SUPT5H: variants seen among roughly 807,000 people sequenced by gnomAD.
SUPT5H encodes SPT5 homolog, DSIF elongation factor subunit, also known as transcription elongation factor SPT5.
In SUPT5H, 24 loss-of-function variants were observed where a neutral mutation model predicts 142.5. The ratio of observed to expected loss-of-function variants is 0.17; its 90% CI spans 0.12 to 0.24. The LOEUF is 0.24. Among genes scored for constraint, SUPT5H ranks in the 10% least tolerant of loss-of-function variants. The probability of loss-of-function intolerance (pLI) is 1.00; values close to 1 mark genes in which losing one functional copy is unlikely to be tolerated. For synonymous variants in SUPT5H, 546 were observed against 553.0 expected (o/e 0.99, Z 0.18); for missense variants, 893 against 1,471.8 (o/e 0.61, Z 6.43).
At chr19:39,446,871 T>G (rs968799419) in intron 2 of SUPT5H, among the ~76,000 whole-genome samples, 4 of 152,134 alleles carry the variant, frequency 2.6e-5, no homozygotes, top group Non-Finnish European at 5.9e-5. Context: ...TAGCTTGGCA[T>G]GGTGGCGCCC....
Position 39,473,935 on chromosome 19 carries a change from C to T in SUPT5H, c.2493-28C>T, listed in dbSNP as rs761615821. On this transcript the variant is annotated intron_variant, in intron 25 of 29. Transcript: ENST00000432763. This position sits in a 1 kb window ranked among gnomAD's most constrained non-coding sequence, Gnocchi z 5.8. Reference sequence around the variant, plus strand: ...GCATCCATCGCATTATCACCACAGTCGCTGTCAACAGACTTTTCTCCCAAC... The same window carrying T: ...GCATCCATCGCATTATCACCACAGTTGCTGTCAACAGACTTTTCTCCCAAC... The T allele has an allele frequency of 1.5e-5, 25 of 1,613,564 alleles. No individual in the cohort carries two copies. The highest frequency in any genetic ancestry group is 2.2e-5 in the South Asian group (2 of 91,088).
At chr19:39,457,494 T>C (rs2079105266) in intron 3 of SUPT5H, among the ~76,000 whole-genome samples, 181 bp from the exon 4 acceptor site, 1 of 152,170 alleles carries the variant, frequency 6.6e-6, no homozygotes, top group South Asian at 2.1e-4. Flanking sequence ...TCCCCCTCGA[T>C]CCTGATGCGT....
chr19:39,474,028 G>A lies in SUPT5H; in HGVS notation c.2558G>A (p.Gly853Glu), dbSNP rs1388302896. The change falls in exon 26 of 30, where the codon GGA becomes GAA. Residue 853 changes from glycine (G) to glutamate (E), a missense_variant. This residue lies in a region of SUPT5H where 336 missense variants were observed against 546.5 expected (regional missense o/e 0.61). Transcript: ENST00000432763. This position sits in a 1 kb window ranked among gnomAD's most constrained non-coding sequence, Gnocchi z 6.5. ...ACCCCGTCCCCGCAGGCCTATGGGGGAACCCCCAATCCCCAAACACCTGGC... is the reference window on the plus strand; with the variant it reads ...ACCCCGTCCCCGCAGGCCTATGGGGAAACCCCCAATCCCCAAACACCTGGC... ...EPTPSPQAYG[G>E]TPNPQTPGYP... 8 of 1,613,300 alleles carry A rather than the reference G, an allele frequency of 5.0e-6. No individual in the cohort carries two copies. The South Asian group carries it at 6.6e-5, about 13-fold the overall frequency.
chr19:39,453,443 G>A lies in SUPT5H; in HGVS notation c.163G>A (p.Asp55Asn), dbSNP rs1241180690. 6.4e-7 allele frequency: 1 copy of A among 1,563,114 alleles called. No homozygotes were observed. Among genetic ancestry groups the A allele is most frequent in the Admixed American group, 1.9e-5 (1 of 52,150 alleles). ...EEEEEEEEEY[D>N]EEEEEEDDDR... is the part of the protein sequence containing the mutation. Reference sequence around the variant, plus strand: ...GGAGGAGGAAGAGGAGGAGGAATACGATGAGGAAGAGGAGGAAGAAGATGA... The same window carrying A: ...GGAGGAGGAAGAGGAGGAGGAATACAATGAGGAAGAGGAGGAAGAAGATGA... Residue 55 changes from aspartate (D) to asparagine (N), a missense_variant, in exon 3 of 30, where the codon GAT becomes AAT. Physicochemically the swap from Asp to Asn is conservative, Grantham distance 23. Transcript: ENST00000432763.
chr19:39,457,502 C>G (rs958575945), intron 3 of SUPT5H, among the ~76,000 whole-genome samples, 173 bp from the exon 4 acceptor site: 1 of 152,306 alleles, frequency 6.6e-6, no homozygotes, highest in Admixed American at 6.5e-5. Context: ...GATCCTGATG[C>G]GTGCACCAGC....
rs780536022 is a variant in SUPT5H, at chr19:39,465,065, T to C, written c.876+16T>C. 1 of 1,606,210 alleles carries C rather than the reference T, an allele frequency of 6.2e-7. No individual in the cohort carries two copies. The highest frequency in any genetic ancestry group is 1.1e-5 in the South Asian group (1 of 90,448). On this transcript the variant is annotated intron_variant, in intron 11 of 29. Transcript: ENST00000432763. ...CATTGCTCAGGTGCCCGGGGCGGGG[T>C]GGCATGGGGGTCAGGGTCCCTCCAT...
In SUPT5H at chr19:39,458,681, G is replaced by T. The variant is rs962310896; in HGVS notation, c.320-137G>T. The T allele has an allele frequency of 4.8e-6, 4 of 827,850 alleles. No homozygotes were observed. Among genetic ancestry groups the T allele is most frequent in the Admixed American group, 5.7e-5 (2 of 34,930 alleles). 51.3% of individuals were successfully genotyped at this position (827,850 alleles called of 1,614,324 possible). ...AGTAGGACAGAGTAGGGGATGAGGGGTTGGGATTTCCTCTGTGAGATGTCA... is the reference window on the plus strand; with the variant it reads ...AGTAGGACAGAGTAGGGGATGAGGGTTTGGGATTTCCTCTGTGAGATGTCA... On this transcript the variant is annotated intron_variant, in intron 5 of 29. Transcript: ENST00000432763. This position sits in a 1 kb window ranked among gnomAD's most constrained non-coding sequence, Gnocchi z 4.2.
Position 39,476,669 on chromosome 19 carries a change from A to C in SUPT5H, c.*270A>C, listed in dbSNP as rs1365717205. 8.9e-5 allele frequency: 35 copies of C among 393,416 alleles called. No homozygotes were observed. The highest frequency in any genetic ancestry group is 7.5e-4 in the Middle Eastern group (1 of 1,340). 24.4% of individuals were successfully genotyped at this position (393,416 alleles called of 1,614,324 possible). On this transcript the variant is annotated 3_prime_UTR_variant, in exon 30 of 30. Coordinates refer to ENST00000432763, the MANE Select transcript of SUPT5H (RefSeq NM_001111020.3). ...AATAAAAAGAAGCTGTTTGGTCTAA[A>C]AGTGCGTGTGTGTGTGTGTGTGTGT...
At position 39,470,023 on chromosome 19, in the gene SUPT5H, T is replaced by C. The variant is rs2079297577; in HGVS notation, c.1375-96T>C. 6.7e-7 allele frequency: 1 copy of C among 1,498,880 alleles called. No homozygotes were observed. The highest frequency in any genetic ancestry group is 2.4e-5 in the East Asian group (1 of 42,220). The allele number at this position is 1,498,880 out of a possible 1,614,324, so 92.8% of individuals were successfully genotyped here. The stretch of plus-strand genomic sequence containing the variant: ...GGGTGGTAAGAGCCTGAAGTGGGGT[T>C]TTTGAGAACATGCGTAGATTCTGAA... On this transcript the variant is annotated intron_variant, in intron 16 of 29. Transcript: ENST00000432763. The surrounding 1 kb of genome is among the most constrained non-coding windows in gnomAD (Gnocchi z 5.8).
At position 39,470,393 on chromosome 19, in the gene SUPT5H, G is replaced by A. The variant is rs751772207; in HGVS notation, c.1547G>A (p.Arg516Gln). 1.0e-5 allele frequency: 16 copies of A among 1,582,958 alleles called. No homozygotes were observed. The highest frequency in any genetic ancestry group is 5.3e-5 in the Admixed American group (3 of 56,736). Residue 516 changes from arginine (R) to glutamine (Q), a missense_variant, in exon 18 of 30, where the codon CGG (arginine) becomes CAG (glutamine). Arg to Gln is a conservative substitution (Grantham distance 43). Transcript: ENST00000432763. This position sits in a 1 kb window ranked among gnomAD's most constrained non-coding sequence, Gnocchi z 5.8. ...LTMHELKVLP[R>Q]DLQLCSETAS... ...CCCTGGCAGCTGAAGGTGCTCCCCC[G>A]GGACCTGCAGCTCTGCTCAGAGACA...
At chr19:39,459,328 C>A in intron 8 of SUPT5H, 79 bp downstream of exon 8, 1 of 1,513,316 alleles carries the variant, frequency 6.6e-7, no homozygotes, top group South Asian at 1.2e-5. Context: ...AGGTGGCTCC[C>A]TGAAATAAGT....
chr19:39,461,216 G>C (rs2079156664), intron 10 of SUPT5H, among the ~76,000 whole-genome samples: 1 of 151,950 alleles, frequency 6.6e-6, no homozygotes, highest in South Asian at 2.1e-4. Context: ...CTTGAATCTA[G>C]GAGGCAGAGG....
intron 2 of SUPT5H, among the ~76,000 whole-genome samples, chr19:39,446,717 A>G (rs767988688): frequency 2.6e-5 from 4 of 152,186 alleles, no homozygotes; most frequent in African/African-American, 4.8e-5. Flanking sequence ...TATAAAAACC[A>G]TTGGCTGAGG....
Position 39,458,220 on chromosome 19 carries a change from G to A in SUPT5H, c.308-74G>A. On this transcript the variant is annotated intron_variant, in intron 4 of 29. Coordinates refer to ENST00000432763, the MANE Select transcript of SUPT5H (RefSeq NM_001111020.3). The surrounding 1 kb of genome is among the most constrained non-coding windows in gnomAD (Gnocchi z 4.2). Reference sequence around the variant, plus strand: ...GCTGCTATAATTTGGCTCATACTTTGTCTGCCCTCGCCCACCACCACCACC... The same window carrying A: ...GCTGCTATAATTTGGCTCATACTTTATCTGCCCTCGCCCACCACCACCACC... 1 of 1,552,928 alleles carries A rather than the reference G, an allele frequency of 6.4e-7. No individual in the cohort carries two copies. Among genetic ancestry groups the A allele is most frequent in the Non-Finnish European group, 8.7e-7 (1 of 1,154,732 alleles).
At chr19:39,454,486 G>A (rs2079061952) in intron 3 of SUPT5H, among the ~76,000 whole-genome samples, 1 of 151,278 alleles carries the variant, frequency 6.6e-6, no homozygotes, top group Admixed American at 6.6e-5. Flanking sequence ...CTGGGACTAC[G>A]GGCACGTGCC....
chr19:39,471,529 C>CT, intron 19 of SUPT5H, 26 bp downstream of exon 19: 1 of 1,613,918 alleles, frequency 6.2e-7, no homozygotes, highest in Non-Finnish European at 8.5e-7. Flanking sequence ...TGCTTTTGAG[C>CT]TGCATCTGAA....
At position 39,472,449 on chromosome 19, in the gene SUPT5H, C is replaced by T; in HGVS notation, c.1991C>T (p.Pro664Leu). 3 of 1,614,088 alleles carry T rather than the reference C, an allele frequency of 1.9e-6. No homozygotes were observed. The highest frequency in any genetic ancestry group is 1.1e-5 in the South Asian group (1 of 91,086). ...AACTTCACCGTGGGTGGCTTTGCGC[C>T]TATGAGTCCCCGGATCAGCAGCCCC... ...VTNFTVGGFA[P>L]MSPRISSPMH... The change falls in exon 21 of 30, where the codon CCT becomes CTT. Residue 664 changes from proline to leucine, a missense_variant. By Grantham distance (98) the Pro-to-Leu change is moderately conservative (BLOSUM62 -3). Coordinates refer to ENST00000432763, the MANE Select transcript of SUPT5H (RefSeq NM_001111020.3). The surrounding 1 kb of genome is among the most constrained non-coding windows in gnomAD (Gnocchi z 4.2).
chr19:39,466,281 AC>A lies in SUPT5H; in HGVS notation c.877-197del, dbSNP rs1348418758. Reference sequence around the variant, plus strand: ...GACCTTTAGACATCCAGGTGGAGATACCAAGCAGGCAGTGGCTACTCAGTGC... The same window carrying A: ...GACCTTTAGACATCCAGGTGGAGATACAAGCAGGCAGTGGCTACTCAGTGC... On this transcript the variant is annotated intron_variant, in intron 11 of 29. Coordinates refer to ENST00000432763, the MANE Select transcript of SUPT5H (RefSeq NM_001111020.3). This position sits in a 1 kb window ranked among gnomAD's most constrained non-coding sequence, Gnocchi z 4.3. 6.6e-6 allele frequency among the ~76,000 whole-genome samples: 1 copy of A among 152,138 alleles called. No individual in the cohort carries two copies. The highest frequency in any genetic ancestry group is 2.4e-5 in the African/African-American group (1 of 41,430).
chr19:39,470,583 C>T lies in SUPT5H; in HGVS notation c.1677+60C>T. ...TTTAGGAGGCTTCCTGTCCCTCAAC[C>T]CCTCATCCTGGGAGGTGGCAGAGCC... On this transcript the variant is annotated intron_variant, in intron 18 of 29. Coordinates refer to ENST00000432763, the MANE Select transcript of SUPT5H (RefSeq NM_001111020.3). This position sits in a 1 kb window ranked among gnomAD's most constrained non-coding sequence, Gnocchi z 5.8. The T allele has an allele frequency of 2.1e-6, 3 of 1,455,602 alleles. No homozygotes were observed. Among genetic ancestry groups the T allele is most frequent in the Non-Finnish European group, 2.7e-6 (3 of 1,099,876 alleles). The allele number at this position is 1,455,602 out of a possible 1,614,324, so 90.2% of individuals were successfully genotyped here.
Sources: gnomAD v4.1 joint callset for allele counts (sites outside exome capture counted in the v4.1 genomes callset) on GRCh38, gnomAD v4.1.1 for gene constraint, gnomAD v4.1.1 regional missense constraint, Gnocchi (gnomAD v3.1) non-coding constraint, MANE v1.5 for transcripts, NCBI Gene and HGNC (gene_info 2026-07-23, HGNC 2026-07-21) for gene names.